Variants in SRPX2 observed in about 807,000 individuals in gnomAD.
SRPX2 encodes the protein sushi repeat containing protein X-linked 2.
A neutral mutation model predicts 45.3 loss-of-function variants in SRPX2; 26 were observed. The observed-to-expected ratio is 0.57, with a 90% confidence interval of 0.42 to 0.80. The LOEUF (loss-of-function observed/expected upper bound fraction) is 0.80. Ranked by LOEUF, SRPX2 falls within the 30% of genes least tolerant of loss-of-function variation. The pLI is 0.00. For synonymous variants in SRPX2, 125 were observed against 143.7 expected (o/e 0.87, Z 0.93); for missense variants, 355 against 399.8 (o/e 0.89, Z 0.95).
intron 3 of SRPX2, among the ~76,000 whole-genome samples, chrX:100,655,483 G>A (rs1192946921): frequency 1.8e-5 from 2 of 111,359 alleles, no homozygotes; most frequent in African/African-American, 3.3e-5. Context: ...TGAGTCATGC[G>A]GATATATTAT....
chrX:100,651,562 C>T (rs2083153342), intron 3 of SRPX2, among the ~76,000 whole-genome samples: 1 of 110,570 alleles, frequency 9.0e-6, no homozygotes. Flanking sequence ...AGGTGGATCA[C>T]TTGAGGTCAG....
chrX:100,651,200 G>A (rs779092940), intron 3 of SRPX2: 8 of 241,556 alleles, frequency 3.3e-5, no homozygotes, highest in South Asian at 1.9e-4. Flanking sequence ...GTGATGGGGG[G>A]GTATAAAGTT....
intron 9 of SRPX2, among the ~76,000 whole-genome samples, chrX:100,668,081 C>T (rs2083210427): frequency 9.0e-6 from 1 of 110,781 alleles, no homozygotes; most frequent in Non-Finnish European, 1.9e-5. Flanking sequence ...AGATACCTAG[C>T]CAAAGCCACT....
At chrX:100,661,436 G>A (rs2083186732) in intron 3 of SRPX2, among the ~76,000 whole-genome samples, 1 of 112,064 alleles carries the variant, frequency 8.9e-6, no homozygotes. Flanking sequence ...TTTTAATTTT[G>A]ACAAGGTCCA....
chrX:100,660,793 A>C (rs1294347977), intron 3 of SRPX2, among the ~76,000 whole-genome samples: 1 of 110,170 alleles, frequency 9.1e-6, no homozygotes, highest in African/African-American at 3.3e-5. Flanking sequence ...CCGTGAGCCG[A>C]GATTGCACCA....
intron 3 of SRPX2, among the ~76,000 whole-genome samples, chrX:100,654,836 T>A (rs777759762): frequency 8.9e-6 from 1 of 112,068 alleles, no homozygotes; most frequent in South Asian, 3.8e-4. Flanking sequence ...GCATGTCATT[T>A]GCTATCATTT....
At chrX:100,649,243 C>T (rs1457659641) in intron 2 of SRPX2, 7 of 111,173 alleles carry the variant, frequency 6.3e-5, no homozygotes, top group African/African-American at 1.6e-4. Flanking sequence ...GCTCTGTAAC[C>T]GGAGCAGGAA....
intron 3 of SRPX2, among the ~76,000 whole-genome samples, chrX:100,660,313 A>G (rs1163669852): frequency 1.8e-5 from 2 of 109,907 alleles, no homozygotes; most frequent in Admixed American, 9.7e-5. Context: ...CCCTACCTCT[A>G]CCCCTAATCT....
At chrX:100,653,052 T>C (rs761772496) in intron 3 of SRPX2, among the ~76,000 whole-genome samples, 1 of 110,986 alleles carries the variant, frequency 9.0e-6, no homozygotes, top group Non-Finnish European at 1.9e-5. Flanking sequence ...CCTTCCTTGG[T>C]CTCCATGGCA....
rs1264364372 is a variant in SRPX2 at position 100,667,371 on chromosome X, C to T, written c.1059C>T (p.Ser353=). 8.3e-7 allele frequency: 1 copy of T among 1,211,591 alleles called. No homozygotes were observed. Among genetic ancestry groups the T allele is most frequent in the South Asian group, 1.8e-5 (1 of 56,964 alleles). The change falls in exon 9 of 11, where the codon TCC becomes TCT. Residue 353 remains serine, a synonymous_variant. Transcript: ENST00000373004. ...RLLIISAPDP[S]NRYYKMQISM... ...TCATCATCTCAGCTCCTGATCCTTC[C>T]AACCGATATTATAAAATGCAGATCT... is the stretch of plus-strand genomic sequence containing the variant.
At chrX:100,650,659 C>G in intron 2 of SRPX2, 126 bp from the exon 3 acceptor site, 2 of 603,566 alleles carry the variant, frequency 3.3e-6, no homozygotes, top group Non-Finnish European at 5.5e-6. Context: ...TAAATATCCA[C>G]CTGGCTCCCC....
rs369663551 is a variant in SRPX2, at chrX:100,666,865, G to A, written c.893G>A (p.Arg298His). ...CEYHCDGGYD[R>H]QGTPSRVCQS... The stretch of plus-strand genomic sequence containing the variant: ...TACCACTGTGATGGCGGTTATGATC[G>A]CCAGGGGACACCCTCCCGGGTCTGT... The change falls in exon 8 of 11, where the codon CGC becomes CAC. Residue 298 changes from arginine (R) to histidine (H), a missense_variant. Arg to His is a conservative substitution (Grantham distance 29, BLOSUM62 0). Transcript: ENST00000373004. 124 of 1,210,166 alleles carry A rather than the reference G, an allele frequency of 1.0e-4. No homozygotes were observed. The highest frequency in any genetic ancestry group is 1.9e-4 in the South Asian group (11 of 56,742).
At chrX:100,659,779 TTTTTTTTTTTTTCAAAGC>T (rs1178823146) in intron 3 of SRPX2, among the ~76,000 whole-genome samples, 1 of 70,213 alleles carries the variant, frequency 1.4e-5, no homozygotes, top group South Asian at 9.2e-4. Flanking sequence ...ATCTACTTCT[TTTTTTTTTTTTTCAAAGC>T]TTTTTTTTTT....
chrX:100,648,221 A>G (rs753239841), intron 2 of SRPX2, among the ~76,000 whole-genome samples: 13 of 112,719 alleles, frequency 1.2e-4, no homozygotes, highest in Non-Finnish European at 1.7e-4. Flanking sequence ...GTGTTCTGGC[A>G]TATCTGTGCA....
rs768378950 is a variant in SRPX2, at chrX:100,667,365, T to G, written c.1053T>G (p.Asp351Glu). 1 of 1,210,038 alleles carries G rather than the reference T, an allele frequency of 8.3e-7. No homozygotes were observed. The highest frequency in any genetic ancestry group is 1.8e-5 in the African/African-American group (1 of 57,107). The change falls in exon 9 of 11, where the codon GAT becomes GAG. Residue 351 changes from aspartate to glutamate, a missense_variant. Asp to Glu is a conservative substitution (Grantham distance 45, BLOSUM62 2). Transcript: ENST00000373004. ...KQRLLIISAP[D>E]PSNRYYKMQI... ...GACTCCTCATCATCTCAGCTCCTGA[T>G]CCTTCCAACCGATATTATAAAATGC...
chrX:100,650,642 C>T, intron 2 of SRPX2, 143 bp from the exon 3 acceptor site: 1 of 537,405 alleles, frequency 1.9e-6, no homozygotes, highest in Admixed American at 2.7e-5. Flanking sequence ...TGCAGGATTT[C>T]CCCCACTAAA....
At chrX:100,668,017 G>A (rs1461809672) in intron 9 of SRPX2, among the ~76,000 whole-genome samples, 3 of 111,777 alleles carry the variant, frequency 2.7e-5, no homozygotes, top group Non-Finnish European at 3.8e-5. Flanking sequence ...AAGGAAAAGC[G>A]TTATGATATC....
At chrX:100,668,087 C>G (rs951281226) in intron 9 of SRPX2, among the ~76,000 whole-genome samples, 3 of 110,734 alleles carry the variant, frequency 2.7e-5, no homozygotes, top group Admixed American at 9.7e-5. Flanking sequence ...CTAGCCAAAG[C>G]CACTGGTAGG....
chrX:100,662,060 TG>T, intron 3 of SRPX2, 115 bp from the exon 4 acceptor site: 1 of 676,227 alleles, frequency 1.5e-6, no homozygotes, highest in Non-Finnish European at 2.3e-6. Context: ...TCAACACACC[TG>T]TGTGGGTTTA....
Sources: allele counts gnomAD v4.1 joint callset (sites outside exome capture counted in the v4.1 genomes callset), GRCh38; gene constraint gnomAD v4.1.1; transcripts MANE v1.5; gene names NCBI Gene and HGNC (gene_info 2026-07-23, HGNC 2026-07-21).